Variants in ARHGEF12 observed in about 807,000 individuals in gnomAD.
ARHGEF12 encodes the protein KMT2A/ARHGEF12 fusion protein.
In ARHGEF12, 66 loss-of-function variants were observed where a neutral mutation model predicts 211.2. The ratio of observed to expected loss-of-function variants is 0.31; its 90% CI spans 0.26 to 0.38. ARHGEF12 has a LOEUF of 0.38. ARHGEF12 is among the 10% of genes least tolerant of loss of function. The pLI, the probability that ARHGEF12 is intolerant of heterozygous loss-of-function variation, is 1.00. For missense variants in ARHGEF12, 1,429 were observed against 1,869.5 expected (o/e 0.76, Z 4.34); for synonymous variants, 592 against 638.4 (o/e 0.93, Z 1.09).
At chr11:120,397,475 G>T (rs1303300118) in intron 1 of ARHGEF12, among the ~76,000 whole-genome samples, 1 of 151,960 alleles carries the variant, frequency 6.6e-6, no homozygotes, top group African/African-American at 2.4e-5. Flanking sequence ...ATAGAACTTG[G>T]GTTACAAGGA....
chr11:120,349,214 A>G (rs1444613349), intron 1 of ARHGEF12, among the ~76,000 whole-genome samples: 1 of 152,206 alleles, frequency 6.6e-6, no homozygotes, highest in Non-Finnish European at 1.5e-5. Context: ...TGTTGCCTGG[A>G]TGTGAACAGT....
rs1329476367 is a variant in ARHGEF12, at chr11:120,481,507, T to G, written c.4485T>G (p.Ser1495=). ...GTTTTGAGATCCAGAGTCCCTCCTC[T>G]TGTGCAGATTCACAGAGCCAGATCA... ...YSCFEIQSPS[S]CADSQSQIME... Residue 1495 remains serine (S), a synonymous_variant, in exon 39 of 41, where the codon TCT becomes TCG. Coordinates refer to ENST00000397843, the MANE Select transcript of ARHGEF12 (RefSeq NM_015313.3). 6.2e-7 allele frequency: 1 copy of G among 1,614,234 alleles called. No individual in the cohort carries two copies. Among genetic ancestry groups the G allele is most frequent in the Non-Finnish European group, 8.5e-7 (1 of 1,180,040 alleles).
chr11:120,383,087 G>C (rs1383473978), intron 1 of ARHGEF12, among the ~76,000 whole-genome samples: 1 of 152,054 alleles, frequency 6.6e-6, no homozygotes, highest in African/African-American at 2.4e-5. Context: ...TGCAGTGAGC[G>C]GAGATCGCAC....
chr11:120,428,165 A>G lies in ARHGEF12; in HGVS notation c.503A>G (p.His168Arg), dbSNP rs1381193616. The stretch of plus-strand genomic sequence containing the variant: ...GAAGTAGAGCCGTCAGTCATTGGAC[A>G]TATGTCTCCCATCATGACATCTCCT... ...DSEVEPSVIG[H>R]MSPIMTSPHS... Residue 168 changes from histidine (H) to arginine (R), a missense_variant, in exon 8 of 41, where the codon CAT becomes CGT. His to Arg is a conservative substitution (Grantham distance 29, BLOSUM62 0). Coordinates refer to ENST00000397843, the MANE Select transcript of ARHGEF12 (RefSeq NM_015313.3). 15 of 1,611,988 alleles carry G rather than the reference A, an allele frequency of 9.3e-6. No homozygotes were observed. Among genetic ancestry groups the G allele is most frequent in the African/African-American group, 2.7e-5 (2 of 74,898 alleles).
chr11:120,479,987 A>G lies in ARHGEF12; in HGVS notation c.3794A>G (p.Gln1265Arg). The G allele has an allele frequency of 6.2e-7, 1 of 1,613,222 alleles. No individual in the cohort carries two copies. The highest frequency in any genetic ancestry group is 8.5e-7 in the Non-Finnish European group (1 of 1,179,278). The change falls in exon 38 of 41, where the codon CAA becomes CGA. Residue 1265 changes from glutamine (Q) to arginine (R), a missense_variant. Around this residue, in one of 7 missense-constraint regions of ARHGEF12, gnomAD observed 467 missense variants for 468.4 expected, o/e 1.00. Coordinates refer to ENST00000397843, the MANE Select transcript of ARHGEF12 (RefSeq NM_015313.3). ...NLGLLKQLLV[Q>R]QLGLTEKSVQ... ...GGTTTGTTGAAGCAGTTGCTGGTGC[A>G]ACAGCTAGGTTTGACTGAGAAGAGC...
At chr11:120,478,823 A>ATTT (rs1947143653) in intron 37 of ARHGEF12, among the ~76,000 whole-genome samples, 1 of 152,234 alleles carries the variant, frequency 6.6e-6, no homozygotes, top group Non-Finnish European at 1.5e-5. Flanking sequence ...CCTGAGACTA[A>ATTT]AAGAGTTTGG....
At chr11:120,452,311 C>T (rs1028380930) in intron 22 of ARHGEF12, among the ~76,000 whole-genome samples, 1 of 152,066 alleles carries the variant, frequency 6.6e-6, no homozygotes, top group East Asian at 1.9e-4. Context: ...AGTGAGAGTT[C>T]AGTGAGAAGA....
intron 1 of ARHGEF12, among the ~76,000 whole-genome samples, chr11:120,372,607 T>G (rs938877108): frequency 1.3e-5 from 2 of 152,200 alleles, no homozygotes; most frequent in Admixed American, 6.5e-5. Flanking sequence ...TATGGAAGAC[T>G]GAAGCTTATT....
At chr11:120,374,248 CTT>C (rs1943666336) in intron 1 of ARHGEF12, among the ~76,000 whole-genome samples, 3 of 152,098 alleles carry the variant, frequency 2.0e-5, no homozygotes, top group Admixed American at 2.0e-4. Context: ...GATGTTATGA[CTT>C]TTAGATATGC....
chr11:120,374,491 T>G (rs774600275), intron 1 of ARHGEF12, among the ~76,000 whole-genome samples: 9 of 152,336 alleles, frequency 5.9e-5, no homozygotes, highest in Non-Finnish European at 1.2e-4. Context: ...AACAGCTTCA[T>G]TGAGCTACTG....
At chr11:120,400,692 A>C (rs543921242) in intron 1 of ARHGEF12, among the ~76,000 whole-genome samples, 1 of 152,340 alleles carries the variant, frequency 6.6e-6, no homozygotes, top group South Asian at 2.1e-4. Flanking sequence ...AGCAACAACT[A>C]ATAGTCAATC....
At chr11:120,342,184 T>G (rs1300348110) in intron 1 of ARHGEF12, among the ~76,000 whole-genome samples, 1 of 152,216 alleles carries the variant, frequency 6.6e-6, no homozygotes, top group African/African-American at 2.4e-5. Flanking sequence ...CTATTTTCCT[T>G]TAGTAACTCT....
intron 1 of ARHGEF12, among the ~76,000 whole-genome samples, chr11:120,388,343 A>G (rs1347031585): frequency 2.6e-5 from 4 of 152,138 alleles, no homozygotes; most frequent in Non-Finnish European, 4.4e-5. Context: ...CATTGTGTGG[A>G]TATACCACAG....
At chr11:120,363,931 T>C (rs1163374450) in intron 1 of ARHGEF12, among the ~76,000 whole-genome samples, 1 of 152,216 alleles carries the variant, frequency 6.6e-6, no homozygotes, top group Non-Finnish European at 1.5e-5. Flanking sequence ...TTTCCAGCTT[T>C]ATTGAGCTTT....
chr11:120,345,860 A>G (rs528265052), intron 1 of ARHGEF12, among the ~76,000 whole-genome samples: 19 of 152,254 alleles, frequency 1.2e-4, no homozygotes, highest in South Asian at 4.1e-4. Flanking sequence ...CTTCAAGGGT[A>G]TAAGAATAGT....
At chr11:120,366,287 T>C (rs1943418618) in intron 1 of ARHGEF12, among the ~76,000 whole-genome samples, 1 of 152,144 alleles carries the variant, frequency 6.6e-6, no homozygotes, top group Non-Finnish European at 1.5e-5. Context: ...CCAAATTTGA[T>C]TTAAATTTAG....
At chr11:120,376,918 T>C (rs981553248) in intron 1 of ARHGEF12, among the ~76,000 whole-genome samples, 1 of 152,198 alleles carries the variant, frequency 6.6e-6, no homozygotes, top group Non-Finnish European at 1.5e-5. Flanking sequence ...CTGGCCTATT[T>C]CACTTAACAT....
chr11:120,355,747 C>G (rs1269542868), intron 1 of ARHGEF12, among the ~76,000 whole-genome samples: 1 of 152,140 alleles, frequency 6.6e-6, no homozygotes, highest in East Asian at 1.9e-4. Context: ...CTTTTTGACT[C>G]TTGATTCATT....
intron 1 of ARHGEF12, among the ~76,000 whole-genome samples, chr11:120,405,008 A>G (rs191241850): frequency 1.2e-4 from 19 of 152,290 alleles, no homozygotes; most frequent in African/African-American, 4.6e-4. Flanking sequence ...TTAACATGCT[A>G]TCACTGATTA....
Sources: gnomAD v4.1 joint callset for allele counts (sites outside exome capture counted in the v4.1 genomes callset) on GRCh38, gnomAD v4.1.1 for gene constraint, gnomAD v4.1.1 regional missense constraint, MANE v1.5 for transcripts, NCBI Gene and HGNC (gene_info 2026-07-23, HGNC 2026-07-21) for gene names.